HDAC5: variants seen among roughly 807,000 people sequenced by gnomAD.
HDAC5 encodes antigen NY-CO-9.
Under a neutral mutation model 133.3 loss-of-function variants are expected in HDAC5, and 25 were observed. That is an observed-to-expected ratio of 0.19 (90% CI 0.14 to 0.26). The LOEUF is 0.26. HDAC5 is among the 10% of genes least tolerant of loss of function. The pLI, the probability that HDAC5 is intolerant of heterozygous loss-of-function variation, is 1.00. For synonymous variants in HDAC5, 589 were observed against 610.8 expected (o/e 0.96, Z 0.53); for missense variants, 1,041 against 1,460.5 (o/e 0.71, Z 4.68).
chr17:44,099,797 T>C (rs1267466064), intron 3 of HDAC5, among the ~76,000 whole-genome samples: 1 of 152,164 alleles, frequency 6.6e-6, no homozygotes, highest in East Asian at 1.9e-4. Flanking sequence ...TTTCTAGCCA[T>C]GCGAGGGGCT....
chr17:44,101,213 G>T (rs983362241), intron 3 of HDAC5, among the ~76,000 whole-genome samples: 2 of 151,216 alleles, frequency 1.3e-5, no homozygotes, highest in Non-Finnish European at 3.0e-5. Context: ...AGACCACCCT[G>T]GCTAACACGG....
Position 44,091,481 on chromosome 17 carries a change from C to T in HDAC5, c.1176G>A (p.Lys392=), listed in dbSNP as rs1048570360. ...TCTCGGCCTCCTGCTGTGTCGACAG[C>T]TTCGGGGAGGCCTGGGGGGTGAAGG... ...VTNSHLTASP[K]LSTQQEAERQ... Residue 392 remains lysine (K), a synonymous_variant, in exon 11 of 27, where the codon AAG becomes AAA. Transcript: ENST00000682912. 7 of 1,545,620 alleles carry T rather than the reference C, an allele frequency of 4.5e-6. No individual in the cohort carries two copies. The highest frequency in any genetic ancestry group is 1.9e-4 in the Middle Eastern group (1 of 5,164).
In HDAC5 at chr17:44,078,785, C is replaced by T; in HGVS notation, c.3163+10G>A. On this transcript the variant is annotated intron_variant, in intron 25 of 26. Transcript: ENST00000682912. ...TGGCAGCCTGAGCCCCTCTACGTGTCCTCACGCACTCTGGATCTCGATGAC... is the reference window on the plus strand; with the variant it reads ...TGGCAGCCTGAGCCCCTCTACGTGTTCTCACGCACTCTGGATCTCGATGAC... The T allele has an allele frequency of 1.2e-6, 2 of 1,613,836 alleles. No individual in the cohort carries two copies. The highest frequency in any genetic ancestry group is 1.7e-6 in the Non-Finnish European group (2 of 1,179,742).
rs142937410 is a variant in HDAC5, at chr17:44,122,726, G to A, written c.-190+778C>T. On this transcript the variant is annotated intron_variant, in intron 1 of 26. Transcript: ENST00000682912. ...CCAGGGCCCCAGGGAAGGGTGGGGT[G>A]GAGAAGCTGACTCCCCCCAAGTTAA... Among the ~76,000 whole-genome samples, 1,370 of 152,094 alleles carry A rather than the reference G, an allele frequency of 9.0e-3. 9 individuals carry two copies. Among genetic ancestry groups the A allele is most frequent in the Non-Finnish European group, 0.015 (1,024 of 67,992 alleles).
intron 2 of HDAC5, 169 bp from the exon 3 acceptor site, chr17:44,110,969 C>A (rs559768455): frequency 1.6e-6 from 1 of 622,204 alleles, no homozygotes; most frequent in Non-Finnish European, 2.9e-6. Context: ...AGGCCACTGC[C>A]GACGGGACCC....
chr17:44,078,829 T>C lies in HDAC5; in HGVS notation c.3129A>G (p.Ala1043=). 6.2e-7 allele frequency: 1 copy of C among 1,614,130 alleles called. No homozygotes were observed. The highest frequency in any genetic ancestry group is 8.5e-7 in the Non-Finnish European group (1 of 1,180,012). ...CGATGACTTTCTCTAGCGTGGCCAC[T>C]GCGTTGATGTTGGGCTTTTGCTGCA... ...AVLQQKPNIN[A]VATLEKVIEI... Residue 1043 remains alanine (A), a synonymous_variant, in exon 25 of 27, where the codon GCA becomes GCG. Coordinates refer to ENST00000682912, the MANE Select transcript of HDAC5 (RefSeq NM_005474.5).
chr17:44,108,397 A>G (rs1186063716), intron 3 of HDAC5, among the ~76,000 whole-genome samples: 1 of 152,170 alleles, frequency 6.6e-6, no homozygotes, highest in African/African-American at 2.4e-5. Context: ...GGTGCTGGGC[A>G]ATGGCAACAA....
In HDAC5 at chr17:44,080,894, G is replaced by A. The variant is rs547675867; in HGVS notation, c.2608-12C>T. The stretch of plus-strand genomic sequence containing the variant: ...CCATGGTGAATGTCCTATGAGGGGA[G>A]GTAGAAGCATCGGGAAAATGGCCCG... On this transcript the variant is annotated splice_polypyrimidine_tract_variant and intron_variant, in intron 20 of 26. Transcript: ENST00000682912. The A allele has an allele frequency of 2.5e-6, 4 of 1,613,974 alleles. No individual in the cohort carries two copies. The highest frequency in any genetic ancestry group is 1.3e-5 in the African/African-American group (1 of 74,914).
intron 3 of HDAC5, 89 bp from the exon 4 acceptor site, chr17:44,093,923 T>G (rs1362706487): frequency 8.5e-6 from 12 of 1,408,242 alleles, no homozygotes; most frequent in African/African-American, 1.5e-5. Context: ...CGCAGGATTC[T>G]AGGAGACCCA....
chr17:44,120,122 ACT>A (rs2052895846), intron 1 of HDAC5: 1 of 152,388 alleles, frequency 6.6e-6, no homozygotes, highest in South Asian at 2.1e-4. Flanking sequence ...GAAACCCCAA[ACT>A]CTGGCAAAGG....
rs777666412 is a variant in HDAC5, at chr17:44,082,808, T to C, written c.2476A>G (p.Ile826Val). 6.4e-7 allele frequency: 1 copy of C among 1,555,032 alleles called. No individual in the cohort carries two copies. The highest frequency in any genetic ancestry group is 8.7e-7 in the Non-Finnish European group (1 of 1,148,646). Residue 826 changes from isoleucine to valine, a missense_variant, in exon 19 of 27, where the codon ATC (isoleucine) becomes GTC (valine). Coordinates refer to ENST00000682912, the MANE Select transcript of HDAC5 (RefSeq NM_005474.5). ...AAGELKNGFA[I>V]IRPPGHHAEE... ...GCGTGGTGTCCTGGGGGCCGGATGATGGCAAATCCATTCTGAAGAGGTGCA... is the reference window on the plus strand; with the variant it reads ...GCGTGGTGTCCTGGGGGCCGGATGACGGCAAATCCATTCTGAAGAGGTGCA...
intron 1 of HDAC5, among the ~76,000 whole-genome samples, chr17:44,121,417 C>T (rs563349268): frequency 1.4e-5 from 2 of 138,324 alleles, no homozygotes; most frequent in African/African-American, 5.3e-5. Flanking sequence ...GAACCACCCC[C>T]CCTTGCTGTC....
rs2050652142 is a variant in HDAC5 at position 44,086,430 on chromosome 17, A to T, written c.2050+142T>A. 3.8e-5 allele frequency: 22 copies of T among 572,662 alleles called. No individual in the cohort carries two copies. The East Asian group carries it at 7.7e-4, about 20-fold the overall frequency. The allele number at this position is 572,662 out of a possible 1,614,324, so 35.5% of individuals were successfully genotyped here. ...GCTACCATGAACAGCTCTGGGGTAC[A>T]GGGAGAGAACGAAGGCCTGTGTCCC... On this transcript the variant is annotated intron_variant, in intron 14 of 26. Transcript: ENST00000682912.
chr17:44,083,885 A>G lies in HDAC5; in HGVS notation c.2306-31T>C, dbSNP rs760632039. 1.1e-5 allele frequency: 18 copies of G among 1,605,922 alleles called. 1 individual carries two copies. The South Asian group carries it at 1.8e-4, about 16-fold the overall frequency. On this transcript the variant is annotated intron_variant, in intron 16 of 26. Coordinates refer to ENST00000682912, the MANE Select transcript of HDAC5 (RefSeq NM_005474.5). ...TGGAAGAGGAATAGAGCTACTCTAGAAGTGGCCTCGGGCGGATCACCTGAG... is the reference window on the plus strand; with the variant it reads ...TGGAAGAGGAATAGAGCTACTCTAGGAGTGGCCTCGGGCGGATCACCTGAG...
chr17:44,113,243 G>A (rs973615572), intron 2 of HDAC5, among the ~76,000 whole-genome samples: 2 of 152,164 alleles, frequency 1.3e-5, no homozygotes, highest in South Asian at 4.1e-4. Context: ...CCAGAACCTG[G>A]AGCACCCAGA....
Position 44,077,009 on chromosome 17 carries a change from G to GT in HDAC5, c.*1366_*1367insA, listed in dbSNP as rs2050154215. 6.5e-6 allele frequency: 1 copy of GT among 153,204 alleles called. No homozygotes were observed. The highest frequency in any genetic ancestry group is 1.5e-5 in the Non-Finnish European group (1 of 68,618). 9.5% of individuals were successfully genotyped at this position (153,204 alleles called of 1,614,324 possible). On this transcript the variant is annotated 3_prime_UTR_variant, in exon 27 of 27. Coordinates refer to ENST00000682912, the MANE Select transcript of HDAC5 (RefSeq NM_005474.5). ...ACACACAAGCACACTATGAACCGATGGTGCTGGGACTCCTGCCCCTCCCCT... is the reference window on the plus strand; with the variant it reads ...ACACACAAGCACACTATGAACCGATGTGTGCTGGGACTCCTGCCCCTCCCCT...
Position 44,098,402 on chromosome 17 carries a change from C to G in HDAC5, c.95-4568G>C, listed in dbSNP as rs1173227702. Among the ~76,000 whole-genome samples the G allele has an allele frequency of 3.3e-5, 5 of 152,096 alleles. No homozygotes were observed. In the East Asian group the frequency reaches 9.6e-4, roughly 29 times the overall value. Reference sequence around the variant, plus strand: ...CTGGGAAAAGAAGAGGATAGACAGGCCCGGGGCGTGGTGGCCAGTTACCCA... The same window carrying G: ...CTGGGAAAAGAAGAGGATAGACAGGGCCGGGGCGTGGTGGCCAGTTACCCA... On this transcript the variant is annotated intron_variant, in intron 3 of 26. Coordinates refer to ENST00000682912, the MANE Select transcript of HDAC5 (RefSeq NM_005474.5).
At chr17:44,107,607 C>CA (rs61428400) in intron 3 of HDAC5, among the ~76,000 whole-genome samples, 35,760 of 88,656 alleles carry the variant, frequency 0.4, 7,283 homozygotes, top group Middle Eastern at 0.49. Flanking sequence ...GACTCCGTAT[C>CA]AAAAAAAAAA....
At chr17:44,100,578 C>CAAAAAA (rs869274112) in intron 3 of HDAC5, among the ~76,000 whole-genome samples, 3 of 89,372 alleles carry the variant, frequency 3.4e-5, no homozygotes, top group African/African-American at 4.8e-5. Context: ...ACTAAAGATA[C>CAAAAAA]AAAAAAAAAA....
Sources: allele counts gnomAD v4.1 joint callset (sites outside exome capture counted in the v4.1 genomes callset), GRCh38; gene constraint gnomAD v4.1.1; transcripts MANE v1.5; gene names NCBI Gene and HGNC (gene_info 2026-07-23, HGNC 2026-07-21).